Variants in LEMD2 observed in about 807,000 individuals in gnomAD.
LEMD2 encodes the protein LEM domain nuclear envelope protein 2, also known as LEM domain-containing protein 2.
Under a neutral mutation model 58.8 loss-of-function variants are expected in LEMD2, and 34 were observed. The ratio of observed to expected loss-of-function variants is 0.58; its 90% confidence interval spans 0.44 to 0.77. LEMD2 has a LOEUF of 0.77. LEMD2 is among the 30% of genes least tolerant of loss of function. The pLI, the probability that LEMD2 is intolerant of heterozygous loss-of-function variation, is 0.00. For missense variants in LEMD2, 629 were observed against 717.9 expected (o/e 0.88, Z 1.42); for synonymous variants, 298 against 308.9 (o/e 0.96, Z 0.37).
chr6:33,772,503 T>C lies in LEMD2; in HGVS notation c.*125A>G. On this transcript the variant is annotated 3_prime_UTR_variant, in exon 9 of 9. Coordinates refer to ENST00000293760, the MANE Select transcript of LEMD2 (RefSeq NM_181336.4). The stretch of plus-strand genomic sequence containing the variant: ...AGAGTATGGCAGACCTTTGGAATCG[T>C]GTCAGGACGAGACTGAAAGTCAAGG... 1.2e-6 allele frequency: 1 copy of C among 866,646 alleles called. No homozygotes were observed. The highest frequency in any genetic ancestry group is 2.7e-5 in the East Asian group (1 of 37,646). 53.7% of individuals were successfully genotyped at this position (866,646 alleles called of 1,614,324 possible).
At chr6:33,776,665 G>A (rs1349779076) in intron 8 of LEMD2, 1 of 443,670 alleles carries the variant, frequency 2.3e-6, no homozygotes, top group East Asian at 4.3e-5. Flanking sequence ...CTGGGGGAGG[G>A]AGCTGCTATT....
intron 3 of LEMD2, among the ~76,000 whole-genome samples, chr6:33,782,960 G>C (rs1260893794): frequency 6.6e-6 from 1 of 152,264 alleles, no homozygotes; most frequent in Non-Finnish European, 1.5e-5. Flanking sequence ...CATAAGGCAA[G>C]ACCACATATG....
At chr6:33,783,242 A>G (rs1767604079) in intron 3 of LEMD2, among the ~76,000 whole-genome samples, 1 of 152,182 alleles carries the variant, frequency 6.6e-6, no homozygotes, top group African/African-American at 2.4e-5. Context: ...AGGAATTCCT[A>G]TGATGCTGTG....
chr6:33,781,038 G>T, intron 4 of LEMD2, 39 bp downstream of exon 4: 1 of 1,393,034 alleles, frequency 7.2e-7, no homozygotes, highest in Non-Finnish European at 1.0e-6. Context: ...GAAAGCACCA[G>T]GCCCTCCCAG....
At chr6:33,785,394 C>T (rs775609229) in intron 2 of LEMD2, among the ~76,000 whole-genome samples, 4 of 152,204 alleles carry the variant, frequency 2.6e-5, no homozygotes, top group Non-Finnish European at 5.9e-5. Flanking sequence ...ATATCTGCGT[C>T]TGAAGCCCTC....
At chr6:33,774,297 G>A (rs1359956306) in intron 8 of LEMD2, among the ~76,000 whole-genome samples, 2 of 150,808 alleles carry the variant, frequency 1.3e-5, no homozygotes, top group South Asian at 2.1e-4. Context: ...TCAGCCTCCC[G>A]AGTAGCTGGG....
rs11755593 is a variant in LEMD2, at chr6:33,772,548, G to C, written c.*80C>G. The C allele has an allele frequency of 0.23, 319,724 of 1,372,666 alleles. 38,381 individuals are homozygous for C. The highest frequency in any genetic ancestry group is 0.33 in the Admixed American group (16,676 of 49,916). 85.0% of individuals were successfully genotyped at this position (1,372,666 alleles called of 1,614,324 possible). The stretch of plus-strand genomic sequence containing the variant: ...TCAAGGCAAGTGTGAATTCAGCACC[G>C]CAGGCCTGGTGACCCTCCTGTGCCT... On this transcript the variant is annotated 3_prime_UTR_variant, in exon 9 of 9. Coordinates refer to ENST00000293760, the MANE Select transcript of LEMD2 (RefSeq NM_181336.4).
rs1767312304 is a variant in LEMD2 at position 33,772,107 on chromosome 6, C to G, written c.*521G>C. ...CCCCTACAGTCACTTGTTCTAATTT[C>G]TAGCACCTTCCCTCTTCAGGATAGA... On this transcript the variant is annotated 3_prime_UTR_variant, in exon 9 of 9. Coordinates refer to ENST00000293760, the MANE Select transcript of LEMD2 (RefSeq NM_181336.4). The G allele has an allele frequency of 6.5e-6, 1 of 154,150 alleles. No homozygotes were observed. Among genetic ancestry groups the G allele is most frequent in the Non-Finnish European group, 1.4e-5 (1 of 69,212 alleles). The allele number at this position is 154,150 out of a possible 1,614,324, so 9.5% of individuals were successfully genotyped here.
intron 8 of LEMD2, among the ~76,000 whole-genome samples, chr6:33,775,461 G>GC (rs2127378436): frequency 6.6e-6 from 1 of 152,252 alleles, no homozygotes; most frequent in Non-Finnish European, 1.5e-5. Context: ...GGGACTACAG[G>GC]CATGTGTCAC....
At chr6:33,773,512 A>G (rs6904716) in intron 8 of LEMD2, among the ~76,000 whole-genome samples, 68,767 of 149,960 alleles carry the variant, frequency 0.46, 16,043 homozygotes, top group Admixed American at 0.53. Flanking sequence ...ATGACACCAC[A>G]CGTGGAAAGA....
chr6:33,778,510 A>G lies in LEMD2; in HGVS notation c.1011-123T>C. ...CGCAAGGCCTCTACTTGCTTATAGA[A>G]TAGGCTTGGTATCCTGGCTGCATTC... is the stretch of plus-strand genomic sequence containing the variant. On this transcript the variant is annotated intron_variant, in intron 5 of 8. Transcript: ENST00000293760. The surrounding 1 kb of genome is among the most constrained non-coding windows in gnomAD (Gnocchi z 4.7). The G allele has an allele frequency of 1.5e-6, 1 of 682,762 alleles. No homozygotes were observed. The highest frequency in any genetic ancestry group is 2.3e-6 in the Non-Finnish European group (1 of 440,336). The allele number at this position is 682,762 out of a possible 1,614,324, so 42.3% of individuals were successfully genotyped here. A position where few individuals can be genotyped will look rare whatever the true frequency, so the allele number is the denominator to read the frequency against.
At position 33,786,725 on chromosome 6, in the gene LEMD2, C is replaced by T. The variant is rs1235164586; in HGVS notation, c.777+9G>A. The stretch of plus-strand genomic sequence containing the variant: ...AAGAATAATAAAAACCAGAGAAACT[C>T]AAACTCACCTCATCTGTTTTTCTCT... On this transcript the variant is annotated intron_variant, in intron 2 of 8. Transcript: ENST00000293760. 6.2e-7 allele frequency: 1 copy of T among 1,610,736 alleles called. No individual in the cohort carries two copies. Among genetic ancestry groups the T allele is most frequent in the Admixed American group, 1.7e-5 (1 of 59,922 alleles).
Position 33,778,762 on chromosome 6 carries a change from C to G in LEMD2, c.1011-375G>C, listed in dbSNP as rs1425676846. 2 of 164,868 alleles carry G rather than the reference C, an allele frequency of 1.2e-5. No individual in the cohort carries two copies. The highest frequency in any genetic ancestry group is 2.6e-5 in the Non-Finnish European group (2 of 76,930). 10.2% of individuals were successfully genotyped at this position (164,868 alleles called of 1,614,324 possible). A position where few individuals can be genotyped will look rare whatever the true frequency, so the allele number is the denominator to read the frequency against. ...CAATTGCATGGCAAGAACTGAAAGA[C>G]AGAATCTGGGAGGTTGCACTTTTCC... On this transcript the variant is annotated intron_variant, in intron 5 of 8. Coordinates refer to ENST00000293760, the MANE Select transcript of LEMD2 (RefSeq NM_181336.4). This position sits in a 1 kb window ranked among gnomAD's most constrained non-coding sequence, Gnocchi z 4.7.
At chr6:33,786,873 C>T (rs1347055329) in intron 1 of LEMD2, 99 bp from the exon 2 acceptor site, 2 of 1,553,852 alleles carry the variant, frequency 1.3e-6, no homozygotes, top group Non-Finnish European at 1.7e-6. Context: ...TAAAGCATTA[C>T]CAAGCCAAGG....
chr6:33,786,684 G>A, intron 2 of LEMD2, 50 bp downstream of exon 2: 4 of 1,439,398 alleles, frequency 2.8e-6, no homozygotes, highest in East Asian at 2.3e-5. Context: ...TCCTGATGGA[G>A]GCTAATATCC....
chr6:33,780,427 G>T (rs182892702), intron 4 of LEMD2: 35 of 520,636 alleles, frequency 6.7e-5, no homozygotes, highest in South Asian at 5.2e-4. Context: ...GCGGCCAAAA[G>T]AATATGATTC....
Position 33,778,938 on chromosome 6 carries a change from G to A in LEMD2, c.1011-551C>T, listed in dbSNP as rs1375944533. 2 of 152,170 alleles carry A rather than the reference G, an allele frequency of 1.3e-5. No individual in the cohort carries two copies. Among genetic ancestry groups the A allele is most frequent in the African/African-American group, 4.8e-5 (2 of 41,418 alleles). The allele number at this position is 152,170 out of a possible 1,614,324, so 9.4% of individuals were successfully genotyped here. A position where few individuals can be genotyped will look rare whatever the true frequency, so the allele number is the denominator to read the frequency against. On this transcript the variant is annotated intron_variant, in intron 5 of 8. Coordinates refer to ENST00000293760, the MANE Select transcript of LEMD2 (RefSeq NM_181336.4). This position sits in a 1 kb window ranked among gnomAD's most constrained non-coding sequence, Gnocchi z 4.7. The stretch of plus-strand genomic sequence containing the variant: ...CCACGGCGCCTCCACCATGGTCTCT[G>A]GCCAGGAGGTGTCAGGACCTGCAGA...
At position 33,788,405 on chromosome 6, in the gene LEMD2, C is replaced by A. The variant is rs1185806214; in HGVS notation, c.712G>T (p.Ala238Ser). The A allele has an allele frequency of 1.3e-6, 2 of 1,583,518 alleles. No homozygotes were observed. The highest frequency in any genetic ancestry group is 1.8e-5 in the Admixed American group (1 of 56,722). Residue 238 changes from alanine (A) to serine (S), a missense_variant, in exon 1 of 9, where the codon GCG becomes TCG. By Grantham distance (99) the Ala-to-Ser change is moderately conservative. Coordinates refer to ENST00000293760, the MANE Select transcript of LEMD2 (RefSeq NM_181336.4). ...CTGTTGTCCTCCGCCTCCTGCGGCG[C>A]TGAGGGCTTGCCCATCTTCACCCAA... Reference protein sequence around the residue: ...ILWVKMGKPSAPQEAEDNMKL... With the variant: ...ILWVKMGKPSSPQEAEDNMKL...
Position 33,772,559 on chromosome 6 carries a change from G to A in LEMD2, c.*69C>T, listed in dbSNP as rs894822074. ...GTGAATTCAGCACCGCAGGCCTGGT[G>A]ACCCTCCTGTGCCTCTGGAGTGGGC... On this transcript the variant is annotated 3_prime_UTR_variant, in exon 9 of 9. Coordinates refer to ENST00000293760, the MANE Select transcript of LEMD2 (RefSeq NM_181336.4). 26 of 1,473,406 alleles carry A rather than the reference G, an allele frequency of 1.8e-5. No individual in the cohort carries two copies. Among genetic ancestry groups the A allele is most frequent in the Non-Finnish European group, 2.4e-5 (26 of 1,077,804 alleles). 91.3% of individuals were successfully genotyped at this position (1,473,406 alleles called of 1,614,324 possible). A position where few individuals can be genotyped will look rare whatever the true frequency, so the allele number is the denominator to read the frequency against.
Sources: gnomAD v4.1 joint callset for allele counts (sites outside exome capture counted in the v4.1 genomes callset) on GRCh38, gnomAD v4.1.1 for gene constraint, Gnocchi (gnomAD v3.1) non-coding constraint, MANE v1.5 for transcripts, NCBI Gene and HGNC (gene_info 2026-07-23, HGNC 2026-07-21) for gene names.